Variants in CDK19 observed in about 807,000 individuals in gnomAD.
CDK19 encodes the protein cyclin-dependent kinase 19.
A neutral mutation model predicts 68.3 loss-of-function variants in CDK19; 20 were observed. The observed-to-expected ratio is 0.29, with a 90% CI of 0.21 to 0.43. CDK19 has a LOEUF of 0.43. Among genes scored for constraint, CDK19 ranks in the 20% least tolerant of loss-of-function variants. The pLI, the probability that CDK19 is intolerant of heterozygous loss-of-function variation, is 1.00. For missense variants in CDK19, 339 were observed against 623.5 expected (o/e 0.54, Z 4.86); for synonymous variants, 221 against 222.8 (o/e 0.99, Z 0.07).
intron 2 of CDK19, among the ~76,000 whole-genome samples, chr6:110,713,796 G>A (rs1775155863): frequency 6.6e-6 from 1 of 152,106 alleles, no homozygotes; most frequent in Non-Finnish European, 1.5e-5. Flanking sequence ...CAGGAGGACT[G>A]CTTGAGGGTA....
At chr6:110,747,469 T>A (rs1294028372) in intron 1 of CDK19, among the ~76,000 whole-genome samples, 1 of 152,154 alleles carries the variant, frequency 6.6e-6, no homozygotes, top group Admixed American at 6.6e-5. Flanking sequence ...AAATGATGGC[T>A]AGAAGGTCAT....
At chr6:110,784,330 A>C (rs1010950971) in intron 1 of CDK19, among the ~76,000 whole-genome samples, 1 of 152,208 alleles carries the variant, frequency 6.6e-6, no homozygotes, top group Non-Finnish European at 1.5e-5. Flanking sequence ...AAAGAATTTG[A>C]ATAGGTATTT....
At chr6:110,718,467 T>C (rs1775575765) in intron 2 of CDK19, among the ~76,000 whole-genome samples, 1 of 152,260 alleles carries the variant, frequency 6.6e-6, no homozygotes, top group South Asian at 2.1e-4. Flanking sequence ...AAGCTTGTTG[T>C]ATGTCCTGGG....
chr6:110,812,724 A>G lies in CDK19; in HGVS notation c.128+2285T>C, dbSNP rs1224569374. Among the ~76,000 whole-genome samples, 5 of 152,050 alleles carry G rather than the reference A, an allele frequency of 3.3e-5. No homozygotes were observed. In the East Asian group the frequency reaches 9.6e-4, roughly 29 times the overall value. On this transcript the variant is annotated intron_variant, in intron 1 of 12. Transcript: ENST00000368911. Reference sequence around the variant, plus strand: ...TTATGCATTTTCTGAGTTAACCAAAATAAAATCTAGAAAGAGCTAAACTGT... The same window carrying G: ...TTATGCATTTTCTGAGTTAACCAAAGTAAAATCTAGAAAGAGCTAAACTGT...
At chr6:110,760,095 C>T (rs542912265) in intron 1 of CDK19, among the ~76,000 whole-genome samples, 10 of 152,052 alleles carry the variant, frequency 6.6e-5, no homozygotes, top group South Asian at 2.1e-4. Context: ...TGGCAGGGAC[C>T]GACTAAAAGC....
At chr6:110,772,801 G>A (rs925536648) in intron 1 of CDK19, among the ~76,000 whole-genome samples, 1 of 151,428 alleles carries the variant, frequency 6.6e-6, no homozygotes. Context: ...GCTGAAGTGG[G>A]AGGATTGCTT....
chr6:110,761,744 A>T (rs1224013654), intron 1 of CDK19, among the ~76,000 whole-genome samples: 5 of 152,208 alleles, frequency 3.3e-5, no homozygotes, highest in African/African-American at 1.2e-4. Flanking sequence ...AAGGATGCTC[A>T]GTGGTTTACC....
intron 1 of CDK19, among the ~76,000 whole-genome samples, chr6:110,811,231 C>G (rs750022032): frequency 3.3e-5 from 5 of 152,110 alleles, no homozygotes; most frequent in African/African-American, 1.2e-4. Context: ...AACTACAAAC[C>G]GATTGTGAAA....
intron 1 of CDK19, among the ~76,000 whole-genome samples, chr6:110,801,602 C>G (rs1782352299): frequency 6.6e-6 from 1 of 152,122 alleles, no homozygotes; most frequent in Admixed American, 6.6e-5. Context: ...AGCTCCGCCT[C>G]CCAGGTTCAC....
chr6:110,699,362 T>G (rs1382414657), intron 2 of CDK19, among the ~76,000 whole-genome samples: 32 of 150,460 alleles, frequency 2.1e-4, no homozygotes, highest in Admixed American at 1.7e-3. Flanking sequence ...GAGGCGGAGG[T>G]TGCAGTGAGC....
intron 1 of CDK19, among the ~76,000 whole-genome samples, chr6:110,784,288 C>A (rs1370205011): frequency 6.6e-6 from 1 of 150,642 alleles, no homozygotes; most frequent in African/African-American, 2.4e-5. Flanking sequence ...ACTCTTACAA[C>A]AATAAAAATA....
intron 2 of CDK19, among the ~76,000 whole-genome samples, chr6:110,699,205 A>G (rs1582891343): frequency 6.6e-6 from 1 of 152,078 alleles, no homozygotes; most frequent in African/African-American, 2.4e-5. Context: ...CAGGTGGATC[A>G]CCTGAGGTCA....
At chr6:110,647,283 C>T (rs1361477930) in intron 4 of CDK19, among the ~76,000 whole-genome samples, 3 of 152,034 alleles carry the variant, frequency 2.0e-5, no homozygotes, top group Non-Finnish European at 4.4e-5. Context: ...TCACCAAAAT[C>T]CCCCAACAAT....
chr6:110,669,542 A>G (rs907206101), intron 3 of CDK19, among the ~76,000 whole-genome samples: 1 of 152,242 alleles, frequency 6.6e-6, no homozygotes, highest in African/African-American at 2.4e-5. Flanking sequence ...ACAGTTTGAG[A>G]GGCCAAAGTA....
At position 110,767,597 on chromosome 6, in the gene CDK19, CCA is replaced by C. The variant is rs1779684624; in HGVS notation, c.129-21398_129-21397del. 3.3e-5 allele frequency among the ~76,000 whole-genome samples: 5 copies of C among 151,760 alleles called. No individual in the cohort carries two copies. The South Asian group carries it at 1.0e-3, about 32-fold the overall frequency. On this transcript the variant is annotated intron_variant, in intron 1 of 12. Transcript: ENST00000368911. The stretch of plus-strand genomic sequence containing the variant: ...TCTCGAACTCCTGACCTCAGGTGAT[CCA>C]CGCTCCTCAGCCTCCCAAAGTGCTG...
intron 2 of CDK19, among the ~76,000 whole-genome samples, chr6:110,691,719 C>G (rs1773008862): frequency 6.6e-6 from 1 of 150,880 alleles, no homozygotes; most frequent in Non-Finnish European, 1.5e-5. Flanking sequence ...ATGATCTTGG[C>G]TCATTGCAAC....
chr6:110,798,628 GAAAAAAAA>G (rs59236293), intron 1 of CDK19, among the ~76,000 whole-genome samples: 1 of 56,744 alleles, frequency 1.8e-5, no homozygotes, highest in Non-Finnish European at 3.7e-5. Flanking sequence ...TCTGTCTCCA[GAAAAAAAA>G]AAAAAAAAAA....
intron 1 of CDK19, among the ~76,000 whole-genome samples, chr6:110,809,133 T>C (rs1782889323): frequency 6.7e-6 from 1 of 150,080 alleles, no homozygotes; most frequent in Non-Finnish European, 1.5e-5. Context: ...GAGAATGGCA[T>C]GAACCCAGGA....
intron 1 of CDK19, among the ~76,000 whole-genome samples, chr6:110,754,983 A>ATT (rs149467670): frequency 1.7e-4 from 24 of 141,938 alleles, no homozygotes; most frequent in Non-Finnish European, 3.4e-4. Flanking sequence ...TCCCTTGTGA[A>ATT]TTTTTTTTTT....
Sources: allele counts gnomAD v4.1 joint callset (sites outside exome capture counted in the v4.1 genomes callset), GRCh38; gene constraint gnomAD v4.1.1; transcripts MANE v1.5; gene names NCBI Gene and HGNC (gene_info 2026-07-23, HGNC 2026-07-21).